The following ATRNL1 variants were observed in gnomAD, a reference collection of about 807,000 sequenced individuals.
ATRNL1 encodes attractin like 1.
ATRNL1 carries 95 observed loss-of-function variants against 182.7 expected under a neutral mutation model. The ratio of observed to expected loss-of-function variants is 0.52; its 90% CI spans 0.44 to 0.62. The LOEUF (loss-of-function observed/expected upper bound fraction) is 0.62, where lower values mean the gene tolerates loss of function less well. Among genes scored for constraint, ATRNL1 ranks in the 20% least tolerant of loss-of-function variants. The probability of loss-of-function intolerance (pLI) is 0.00; values close to 1 mark genes in which losing one functional copy is unlikely to be tolerated. For missense variants in ATRNL1, 1,471 were observed against 1,679.5 expected, an observed-to-expected ratio of 0.88 and a Z score of 2.17; for synonymous variants, 576 against 568.3, an observed-to-expected ratio of 1.01 and a Z score of -0.19.
rs142799824 is a variant in ATRNL1 at position 115,304,524 on chromosome 10, G to T, written c.2818+2481G>T. Among the ~76,000 whole-genome samples the T allele has an allele frequency of 6.8e-3, 1,037 of 152,248 alleles. 12 individuals are homozygous for T. The highest frequency in any genetic ancestry group is 0.024 in the African/African-American group (978 of 41,540). On this transcript the variant is annotated intron_variant, in intron 17 of 28. Transcript: ENST00000355044. ...AAAGAAAAGAAAAGGCAGAAGGTTC[G>T]CTCTTACAGAGACAGAGGGATGGGG...
Position 115,522,779 on chromosome 10 carries a change from G to A in ATRNL1, c.3716+3455G>A, listed in dbSNP as rs527249424. Among the ~76,000 whole-genome samples, 4 of 152,248 alleles carry A rather than the reference G, an allele frequency of 2.6e-5. No individual in the cohort carries two copies. The South Asian group carries it at 6.2e-4, about 24-fold the overall frequency. ...TTATTTATCTCCAAGATACAATGGT[G>A]GAACAAATATTGAGTAAACATCTCA... On this transcript the variant is annotated intron_variant, in intron 25 of 28. Coordinates refer to ENST00000355044, the MANE Select transcript of ATRNL1 (RefSeq NM_207303.4).
chr10:115,379,584 A>G (rs1169572292), intron 19 of ATRNL1, among the ~76,000 whole-genome samples: 5 of 152,246 alleles, frequency 3.3e-5, no homozygotes, highest in African/African-American at 1.2e-4. Context: ...GACAGTATTA[A>G]TATGAAACTT....
chr10:115,659,601 T>G (rs541173305), intron 26 of ATRNL1, among the ~76,000 whole-genome samples: 16 of 152,110 alleles, frequency 1.1e-4, no homozygotes, highest in Non-Finnish European at 2.1e-4. Context: ...ATACAGTTAT[T>G]TATGCAGTTA....
At chr10:115,576,850 G>C (rs1854743681) in intron 26 of ATRNL1, among the ~76,000 whole-genome samples, 4 of 151,916 alleles carry the variant, frequency 2.6e-5, no homozygotes, top group Non-Finnish European at 5.9e-5. Flanking sequence ...TTTCATCTAA[G>C]AGTTTTTCAG....
intron 22 of ATRNL1, among the ~76,000 whole-genome samples, chr10:115,464,640 T>C (rs1409966108): frequency 6.6e-6 from 1 of 151,916 alleles, no homozygotes; most frequent in Non-Finnish European, 1.5e-5. Context: ...TTTTATAGGT[T>C]TTTTAAATAT....
chr10:115,163,446 C>T (rs1023025496), intron 6 of ATRNL1, among the ~76,000 whole-genome samples: 19 of 151,750 alleles, frequency 1.3e-4, no homozygotes, highest in African/African-American at 3.1e-4. Context: ...TCACTGCAGC[C>T]TTGAGCTTCT....
At chr10:115,727,223 A>G in intron 26 of ATRNL1, 25 bp from the exon 27 acceptor site, 1 of 1,533,534 alleles carries the variant, frequency 6.5e-7, no homozygotes, top group African/African-American at 1.4e-5. Context: ...CTATTTTAAG[A>G]TAAATCATTT....
intron 24 of ATRNL1, among the ~76,000 whole-genome samples, chr10:115,512,747 T>G (rs1850451917): frequency 6.6e-6 from 1 of 151,936 alleles, no homozygotes; most frequent in South Asian, 2.1e-4. Flanking sequence ...GATTGTAGTT[T>G]GAAAAGCATA....
intron 8 of ATRNL1, among the ~76,000 whole-genome samples, chr10:115,180,980 A>G (rs1202520537): frequency 6.6e-6 from 1 of 151,868 alleles, no homozygotes; most frequent in Admixed American, 6.6e-5. Flanking sequence ...TATAAATTGC[A>G]TAAAAGGGTG....
intron 8 of ATRNL1, among the ~76,000 whole-genome samples, chr10:115,183,634 C>A (rs1554888199): frequency 1.3e-5 from 2 of 151,070 alleles, no homozygotes; most frequent in African/African-American, 2.4e-5. Context: ...CAAATTGAAC[C>A]CAGTAAATAT....
At chr10:115,938,961 A>G (rs1475253849) in intron 28 of ATRNL1, among the ~76,000 whole-genome samples, 1 of 152,144 alleles carries the variant, frequency 6.6e-6, no homozygotes, top group Non-Finnish European at 1.5e-5. Context: ...CACAGTTAAT[A>G]ATAATGTATT....
chr10:115,270,067 A>G (rs1031672496), intron 13 of ATRNL1, among the ~76,000 whole-genome samples: 1 of 151,596 alleles, frequency 6.6e-6, no homozygotes, highest in African/African-American at 2.4e-5. Flanking sequence ...TGCTTTGAAA[A>G]TTTAAATTAC....
In ATRNL1 at chr10:115,586,623, C is replaced by T. The variant is rs1289639971; in HGVS notation, c.3795+37087C>T. ...GCTCCATCAGCTCCTTTAAGCACTT[C>T]TCTGTATTGGTTATTCTAGTTATAC... On this transcript the variant is annotated intron_variant, in intron 26 of 28. Transcript: ENST00000355044. 2.6e-5 allele frequency among the ~76,000 whole-genome samples: 3 copies of T among 113,248 alleles called. 1 individual carries two copies. The highest frequency in any genetic ancestry group is 1.1e-4 in the Admixed American group (1 of 9,506). The allele number at this position is 113,248 out of a possible 152,430, so 74.3% of individuals were successfully genotyped here.
intron 8 of ATRNL1, 77 bp from the exon 9 acceptor site, chr10:115,215,617 CTTG>C (rs369090920): frequency 9.4e-7 from 1 of 1,067,380 alleles, no homozygotes; most frequent in Non-Finnish European, 1.3e-6. Context: ...TTAGAATTAA[CTTG>C]TTGGTATTTT....
chr10:115,673,547 T>C (rs967875674), intron 26 of ATRNL1, among the ~76,000 whole-genome samples: 1 of 152,084 alleles, frequency 6.6e-6, no homozygotes, highest in Non-Finnish European at 1.5e-5. Context: ...ACACTTCTTA[T>C]GAACCAGTAA....
chr10:115,148,748 T>C, intron 5 of ATRNL1, among the ~76,000 whole-genome samples: 1 of 149,092 alleles, frequency 6.7e-6, no homozygotes, highest in Admixed American at 6.7e-5. Flanking sequence ...AGATGCGTTT[T>C]TTTTTTTTTT....
chr10:115,832,959 A>G (rs1315457409), intron 27 of ATRNL1, among the ~76,000 whole-genome samples: 2 of 152,174 alleles, frequency 1.3e-5, no homozygotes, highest in African/African-American at 2.4e-5. Context: ...ATGGAAAATG[A>G]CCATCACAAG....
chr10:115,337,991 T>A (rs912266341), intron 19 of ATRNL1, among the ~76,000 whole-genome samples: 4 of 151,740 alleles, frequency 2.6e-5, no homozygotes, highest in Non-Finnish European at 5.9e-5. Flanking sequence ...TTTGAGCTCC[T>A]ATGAGAATCT....
At chr10:115,452,242 C>T (rs1345336025) in intron 21 of ATRNL1, among the ~76,000 whole-genome samples, 1 of 152,000 alleles carries the variant, frequency 6.6e-6, no homozygotes, top group Non-Finnish European at 1.5e-5. Flanking sequence ...TACTTCTGAA[C>T]CTAAAATTAA....
Sources: allele counts gnomAD v4.1 joint callset (sites outside exome capture counted in the v4.1 genomes callset), GRCh38; gene constraint gnomAD v4.1.1; transcripts MANE v1.5; gene names NCBI Gene and HGNC (gene_info 2026-07-23, HGNC 2026-07-21).